C1QTNF6: variants seen among roughly 807,000 people sequenced by gnomAD.
C1QTNF6 encodes the protein C1q and TNF related 6, also known as complement C1q tumor necrosis factor-related protein 6.
Under a neutral mutation model 20.7 loss-of-function variants are expected in C1QTNF6, and 17 were observed. The observed-to-expected ratio is 0.82, with a 90% CI of 0.56 to 1.23. C1QTNF6 has a LOEUF of 1.23. C1QTNF6 is among the 50% of genes most tolerant of loss of function. The pLI, the probability that C1QTNF6 is intolerant of heterozygous loss-of-function variation, is 0.00. For missense variants in C1QTNF6, 329 were observed against 389.7 expected (o/e 0.84, Z 1.31); for synonymous variants, 130 against 156.3 (o/e 0.83, Z 1.25).
chr22:37,187,832 G>A (rs1453358066), intron 1 of C1QTNF6, among the ~76,000 whole-genome samples: 1 of 152,138 alleles, frequency 6.6e-6, no homozygotes, highest in African/African-American at 2.4e-5. Flanking sequence ...CCAAGTGTGG[G>A]AACCAAGTCA....
At chr22:37,183,313 T>C (rs1923968264) in intron 2 of C1QTNF6, among the ~76,000 whole-genome samples, 1 of 152,240 alleles carries the variant, frequency 6.6e-6, no homozygotes, top group Admixed American at 6.5e-5. Flanking sequence ...GAGGATTATG[T>C]CCACCTCAGG....
chr22:37,194,599 T>C (rs924771161), intron 2 of C1QTNF6, among the ~76,000 whole-genome samples: 3 of 152,192 alleles, frequency 2.0e-5, no homozygotes, highest in Non-Finnish European at 4.4e-5. Flanking sequence ...CTTTTTCCAT[T>C]TCATGGAACC....
chr22:37,190,460 C>T (rs1162358246), upstream of C1QTNF6: 22 of 152,284 alleles, frequency 1.4e-4, no homozygotes, highest in Admixed American at 1.4e-3. Context: ...CGAGATAACT[C>T]GGGGCTCCCA....
At position 37,182,236 on chromosome 22, in the gene C1QTNF6, G is replaced by C. The variant is rs923139264; in HGVS notation, c.789C>G (p.Asp263Glu). The C allele has an allele frequency of 1.2e-6, 2 of 1,614,124 alleles. No homozygotes were observed. The highest frequency in any genetic ancestry group is 3.3e-5 in the Admixed American group (2 of 60,024). The change falls in exon 3 of 3, where the codon GAC (aspartate) becomes GAG (glutamate). Residue 263 changes from aspartate to glutamate, a missense_variant. Asp to Glu is a conservative substitution (Grantham distance 45, BLOSUM62 2). Transcript: ENST00000337843. ...RENAIYSNDF[D>E]TYITFSGHLI... The stretch of plus-strand genomic sequence containing the variant: ...GGTGGCCGCTGAAGGTGATGTAGGT[G>C]TCGAAGTCGTTGCTGTAGATGGCGT...
Position 37,181,203 on chromosome 22 carries a change from C to G in C1QTNF6, c.*985G>C, listed in dbSNP as rs6000596. ...CCGCCTGGGCTGGACTGGCCAGTCA[C>G]TGAGGGCAGGGGCAGGGCCTGTGTC... On this transcript the variant is annotated 3_prime_UTR_variant, in exon 3 of 3. Coordinates refer to ENST00000337843, the MANE Select transcript of C1QTNF6 (RefSeq NM_031910.4). The G allele has an allele frequency of 0.013, 2,059 of 152,670 alleles. 61 individuals are homozygous for G. Among genetic ancestry groups the G allele is most frequent in the African/African-American group, 0.047 (1,937 of 41,574 alleles). The allele number at this position is 152,670 out of a possible 1,614,324, so 9.5% of individuals were successfully genotyped here.
At chr22:37,186,605 G>A (rs183698220) in intron 1 of C1QTNF6, among the ~76,000 whole-genome samples, 1 of 152,318 alleles carries the variant, frequency 6.6e-6, no homozygotes, top group East Asian at 1.9e-4. Flanking sequence ...AGAGAGGCAG[G>A]AAGTAGCCTG....
chr22:37,192,935 G>A (rs1034727956), upstream of C1QTNF6, among the ~76,000 whole-genome samples: 3 of 152,216 alleles, frequency 2.0e-5, no homozygotes, highest in African/African-American at 4.8e-5. Flanking sequence ...AGCAGGCACA[G>A]CTGGAAGGCA....
rs1413303658 is a variant in C1QTNF6 at position 37,185,469 on chromosome 22, G to A, written c.52-14C>T. The A allele has an allele frequency of 6.3e-7, 1 of 1,585,804 alleles. No homozygotes were observed. The highest frequency in any genetic ancestry group is 8.6e-7 in the Non-Finnish European group (1 of 1,164,612). On this transcript the variant is annotated splice_polypyrimidine_tract_variant and intron_variant, in intron 1 of 2. Transcript: ENST00000337843. ...CCCCATGGTGACCTGGAACAAGGAA[G>A]GAGGGACAGGAACTATACTTCACTC... is the stretch of plus-strand genomic sequence containing the variant.
chr22:37,181,924 T>G lies in C1QTNF6; in HGVS notation c.*264A>C. ...CGGGTGATTCGCATGCATTTCCAAG[T>G]TTGAGAAGTGCTGGGCTACGAGGCT... On this transcript the variant is annotated 3_prime_UTR_variant, in exon 3 of 3. Transcript: ENST00000337843. 1 of 484,296 alleles carries G rather than the reference T, an allele frequency of 2.1e-6. No homozygotes were observed. Among genetic ancestry groups the G allele is most frequent in the Non-Finnish European group, 3.7e-6 (1 of 272,046 alleles). 30.0% of individuals were successfully genotyped at this position (484,296 alleles called of 1,614,324 possible).
rs1329208148 is a variant in C1QTNF6 at position 37,180,283 on chromosome 22, C to G, written c.*1905G>C. On this transcript the variant is annotated 3_prime_UTR_variant, in exon 3 of 3. Coordinates refer to ENST00000337843, the MANE Select transcript of C1QTNF6 (RefSeq NM_031910.4). ...AGGTCTTCCTGGCACTTGGTCAGACCCTGTTTCCGTCATCTGGCCATGGAG... is the reference window on the plus strand; with the variant it reads ...AGGTCTTCCTGGCACTTGGTCAGACGCTGTTTCCGTCATCTGGCCATGGAG... 6.7e-6 allele frequency: 1 copy of G among 150,216 alleles called. No homozygotes were observed. The highest frequency in any genetic ancestry group is 2.0e-4 in the East Asian group (1 of 5,014). 9.3% of individuals were successfully genotyped at this position (150,216 alleles called of 1,614,324 possible). A position where few individuals can be genotyped will look rare whatever the true frequency, so the allele number is the denominator to read the frequency against.
In C1QTNF6 at chr22:37,182,285, C is replaced by T. The variant is rs907007113; in HGVS notation, c.740G>A (p.Arg247Gln). 5.0e-6 allele frequency: 8 copies of T among 1,614,062 alleles called. No homozygotes were observed. Among genetic ancestry groups the T allele is most frequent in the South Asian group, 4.4e-5 (4 of 91,084 alleles). ...GTTCTCGCGCTGGCGCTTGAAGAGC[C>T]GCACCCAGACGCGGTCCCCGTAGGC... ...DLAYGDRVWV[R>Q]LFKRQRENAI... Residue 247 changes from arginine (R) to glutamine (Q), a missense_variant, in exon 3 of 3, where the codon CGG (arginine) becomes CAG (glutamine). Transcript: ENST00000337843.
upstream of C1QTNF6, chr22:37,190,877 T>TACTCA (rs1924776381): frequency 6.6e-6 from 1 of 152,216 alleles, no homozygotes; most frequent in Admixed American, 6.5e-5. Flanking sequence ...GAGCGTACTT[T>TACTCA]ACTCAATTGT....
chr22:37,195,072 T>C (rs1925062090), intron 2 of C1QTNF6, among the ~76,000 whole-genome samples: 1 of 152,218 alleles, frequency 6.6e-6, no homozygotes, highest in Admixed American at 6.5e-5. Context: ...AAGCTCCCCA[T>C]GTCCCATGAT....
At chr22:37,190,990 A>C (rs764216811), upstream of C1QTNF6, 2 of 152,208 alleles carry the variant, frequency 1.3e-5, no homozygotes, top group Admixed American at 6.5e-5. Flanking sequence ...AGATTATTTC[A>C]GTCTTTTATT....
chr22:37,196,642 G>A (rs1047204864), intron 1 of C1QTNF6: 18 of 152,274 alleles, frequency 1.2e-4, no homozygotes, highest in African/African-American at 3.9e-4. Flanking sequence ...CCCTACAGAA[G>A]GGAAGACTCT....
chr22:37,186,295 G>A (rs565800993), intron 1 of C1QTNF6, among the ~76,000 whole-genome samples: 33 of 152,334 alleles, frequency 2.2e-4, no homozygotes, highest in African/African-American at 7.9e-4. Flanking sequence ...TGCTGAGGGT[G>A]TGCAGCTTGG....
At chr22:37,185,122 G>A (rs1924181088) in intron 2 of C1QTNF6, 96 bp downstream of exon 2, 2 of 1,458,242 alleles carry the variant, frequency 1.4e-6, no homozygotes, top group Non-Finnish European at 1.8e-6. Context: ...GGATGAAAGA[G>A]GAGTCTGGAC....
At chr22:37,182,763 G>C (rs772043277) in intron 2 of C1QTNF6, 28 bp from the exon 3 acceptor site, 2 of 1,555,126 alleles carry the variant, frequency 1.3e-6, no homozygotes, top group East Asian at 2.3e-5. Context: ...GGACAAGTCA[G>C]GGTGGACATC....
In C1QTNF6 at chr22:37,188,186, G is replaced by GCGACTCA; in HGVS notation, c.21_27dup (p.Pro10Ter). 1 of 1,609,708 alleles carries GCGACTCA rather than the reference G, an allele frequency of 6.2e-7. No individual in the cohort carries two copies. Among genetic ancestry groups the GCGACTCA allele is most frequent in the Non-Finnish European group, 8.5e-7 (1 of 1,177,970 alleles). ...ACCCTGTGTCCTGTGGCCTCCCCAG[G>GCGACTCA]CGACTCACGGACCCTGAGCCACTGC... On this transcript the variant is annotated stop_gained and frameshift_variant, in exon 1 of 3. Transcript: ENST00000337843. LOFTEE classifies it high-confidence loss of function.
Sources: gnomAD v4.1 joint callset for allele counts (sites outside exome capture counted in the v4.1 genomes callset) on GRCh38, gnomAD v4.1.1 for gene constraint, MANE v1.5 for transcripts, NCBI Gene and HGNC (gene_info 2026-07-23, HGNC 2026-07-21) for gene names.